MCC: variants seen among roughly 807,000 people sequenced by gnomAD.
MCC encodes the protein MCC regulator of Wnt signaling pathway.
A neutral mutation model predicts 116.2 loss-of-function variants in MCC; 90 were observed. The ratio of observed to expected loss-of-function variants is 0.77; its 90% CI spans 0.65 to 0.92. The LOEUF is 0.92. MCC is among the 40% of genes least tolerant of loss of function. MCC has a pLI of 0.00. For synonymous variants in MCC, 578 were observed against 510.5 expected (o/e 1.13, Z -1.78); for missense variants, 1,516 against 1,312.2 (o/e 1.16, Z -2.40).
Position 113,049,084 on chromosome 5 carries a change from C to T in MCC, c.2655+9G>A, listed in dbSNP as rs771135824. The T allele has an allele frequency of 4.5e-5, 72 of 1,613,888 alleles. No individual in the cohort carries two copies. Among genetic ancestry groups the T allele is most frequent in the South Asian group, 1.2e-4 (11 of 91,052 alleles). ...GCCTAAGGGTGTCCCCAAGCCACTCCGGCCCTACCTTGCCAGGTTTGTCTT... is the reference window on the plus strand; with the variant it reads ...GCCTAAGGGTGTCCCCAAGCCACTCTGGCCCTACCTTGCCAGGTTTGTCTT... On this transcript the variant is annotated intron_variant, in intron 16 of 18. Transcript: ENST00000408903.
intron 4 of MCC, among the ~76,000 whole-genome samples, chr5:113,146,189 T>C (rs2150288118): frequency 1.5e-5 from 1 of 66,602 alleles, no homozygotes; most frequent in Middle Eastern, 8.1e-3. Flanking sequence ...ATTTCTTAAA[T>C]GAGACTGTGC....
chr5:113,339,461 A>G (rs968553256), intron 3 of MCC, among the ~76,000 whole-genome samples: 1 of 139,354 alleles, frequency 7.2e-6, no homozygotes, highest in Non-Finnish European at 1.6e-5. Context: ...GTTTTACTGT[A>G]ATGTCCTTTT....
intron 3 of MCC, among the ~76,000 whole-genome samples, chr5:113,210,167 G>A (rs1763071764): frequency 6.6e-6 from 1 of 152,136 alleles, no homozygotes; most frequent in Non-Finnish European, 1.5e-5. Context: ...GCTGTGGGTG[G>A]GAAGAGTGAA....
At position 113,133,926 on chromosome 5, in the gene MCC, A is replaced by C. The variant is rs1474031421; in HGVS notation, c.884+9292T>G. 2.6e-5 allele frequency among the ~76,000 whole-genome samples: 4 copies of C among 152,156 alleles called. No homozygotes were observed. The East Asian group carries it at 7.7e-4, about 29-fold the overall frequency. On this transcript the variant is annotated intron_variant, in intron 5 of 18. Transcript: ENST00000408903. ...GCAATGTCTATTCAGATCTTTCGCT[A>C]ATCTTTTGCTAAAAAAAATCAGATT...
intron 1 of MCC, among the ~76,000 whole-genome samples, chr5:113,464,015 G>A (rs987054313): frequency 2.0e-5 from 3 of 152,138 alleles, no homozygotes; most frequent in Admixed American, 2.0e-4. Context: ...CCAGAGGCAG[G>A]CAATGGGCAA....
chr5:113,326,743 T>C (rs1367268238), intron 3 of MCC, among the ~76,000 whole-genome samples: 1 of 152,204 alleles, frequency 6.6e-6, no homozygotes, highest in Non-Finnish European at 1.5e-5. Flanking sequence ...CATAATCTTC[T>C]ATGGTAATGA....
chr5:113,318,638 T>C (rs1767346391), intron 3 of MCC, among the ~76,000 whole-genome samples: 1 of 151,798 alleles, frequency 6.6e-6, no homozygotes, highest in Non-Finnish European at 1.5e-5. Flanking sequence ...GAAGAGAACA[T>C]ATGAATACAT....
chr5:113,338,065 T>G (rs1248302381), intron 3 of MCC, among the ~76,000 whole-genome samples: 1 of 152,200 alleles, frequency 6.6e-6, no homozygotes, highest in African/African-American at 2.4e-5. Flanking sequence ...GGGCCCAAAA[T>G]GTACTCTACC....
intron 6 of MCC, among the ~76,000 whole-genome samples, chr5:113,112,530 C>T (rs1757159322): frequency 1.3e-5 from 2 of 152,212 alleles, no homozygotes; most frequent in Non-Finnish European, 1.5e-5. Context: ...CCGGTACAGC[C>T]TGTGGAACTG....
chr5:113,229,634 G>A (rs1176736761), intron 3 of MCC, among the ~76,000 whole-genome samples: 1 of 152,208 alleles, frequency 6.6e-6, no homozygotes, highest in Admixed American at 6.5e-5. Flanking sequence ...GTCATGTGCT[G>A]CATAACAACA....
intron 6 of MCC, among the ~76,000 whole-genome samples, chr5:113,115,978 C>T (rs149533771): frequency 1.4e-4 from 22 of 152,282 alleles, no homozygotes; most frequent in African/African-American, 5.3e-4. Context: ...CTTCACTGTG[C>T]CTCCATGGCT....
chr5:113,330,891 T>C (rs1276441849), intron 3 of MCC, among the ~76,000 whole-genome samples: 1 of 152,236 alleles, frequency 6.6e-6, no homozygotes, highest in East Asian at 1.9e-4. Context: ...GAGAGTGATA[T>C]GACGGCTTCC....
chr5:113,126,272 G>C (rs1758046848), intron 5 of MCC, among the ~76,000 whole-genome samples: 1 of 152,192 alleles, frequency 6.6e-6, no homozygotes. Context: ...AGCAGTGGCA[G>C]AAAAATCACA....
intron 2 of MCC, among the ~76,000 whole-genome samples, chr5:113,373,895 T>TTTTTTG (rs1287924012): frequency 6.9e-6 from 1 of 143,902 alleles, no homozygotes; most frequent in Non-Finnish European, 1.5e-5. Flanking sequence ...GAAGCTGAGG[T>TTTTTTG]TTTTTGTTTT....
intron 16 of MCC, among the ~76,000 whole-genome samples, chr5:113,046,685 C>A (rs1278131420): frequency 5.8e-4 from 34 of 58,388 alleles, no homozygotes; most frequent in African/African-American, 2.0e-3. Context: ...ACTCAAAAGG[C>A]AAAAAAAAAA....
At chr5:113,384,569 C>G (rs962164612) in intron 2 of MCC, among the ~76,000 whole-genome samples, 2 of 152,148 alleles carry the variant, frequency 1.3e-5, no homozygotes, top group Non-Finnish European at 2.9e-5. Flanking sequence ...GCCTGGGCAA[C>G]AGAGCAAGAC....
chr5:113,075,210 C>T (rs2091518470), intron 11 of MCC, among the ~76,000 whole-genome samples: 1 of 152,214 alleles, frequency 6.6e-6, no homozygotes, highest in South Asian at 2.1e-4. Context: ...CACCGGGTAC[C>T]ACAGCACTTC....
intron 1 of MCC, 62 bp downstream of exon 1, chr5:113,488,183 G>T: frequency 7.2e-6 from 11 of 1,535,364 alleles, no homozygotes; most frequent in Non-Finnish European, 9.7e-6. Flanking sequence ...CAGAGCAGGG[G>T]TCAAGGGCGC....
chr5:113,207,272 T>TC (rs1384418967), intron 3 of MCC, among the ~76,000 whole-genome samples: 1 of 152,166 alleles, frequency 6.6e-6, no homozygotes, highest in African/African-American at 2.4e-5. Context: ...TGGTCTTACC[T>TC]CACAGGATTG....
Sources: allele counts gnomAD v4.1 joint callset (sites outside exome capture counted in the v4.1 genomes callset), GRCh38; gene constraint gnomAD v4.1.1; transcripts MANE v1.5; gene names NCBI Gene and HGNC (gene_info 2026-07-23, HGNC 2026-07-21).